Variants in ASB18 observed in about 807,000 individuals in gnomAD.
The protein encoded by ASB18 is ankyrin repeat and SOCS box containing 18.
A neutral mutation model predicts 33.4 loss-of-function variants in ASB18; 33 were observed. The ratio of observed to expected loss-of-function variants is 0.99; its 90% CI spans 0.75 to 1.32. The LOEUF (loss-of-function observed/expected upper bound fraction) is 1.32, where lower values mean the gene tolerates loss of function less well. Among genes scored for constraint, ASB18 ranks in the 40% most tolerant of loss-of-function variants. The pLI is 0.00. For synonymous variants in ASB18, 295 were observed against 307.6 expected, an observed-to-expected ratio of 0.96 and a Z score of 0.43; for missense variants, 694 against 655.5, an observed-to-expected ratio of 1.06 and a Z score of -0.64.
rs111975448 is a variant in ASB18, at chr2:236,217,424, A to ATAATAAT, written c.597-2559_597-2558insATTATTA. On this transcript the variant is annotated intron_variant, in intron 3 of 5. Coordinates refer to ENST00000409749, the MANE Select transcript of ASB18 (RefSeq NM_212556.4). This position sits in a 1 kb window ranked among gnomAD's most constrained non-coding sequence, Gnocchi z 5.2. Reference sequence around the variant, plus strand: ...CGAGACTCTGTCTCAAAAAAAAAAAAAAATAAATCTTGGCACCTTCAACTC... The same window carrying ATAATAAT: ...CGAGACTCTGTCTCAAAAAAAAAAAATAATAATAAATAAATCTTGGCACCTTCAACTC... 0.14 allele frequency among the ~76,000 whole-genome samples: 21,263 copies of ATAATAAT among 150,350 alleles called. 1,608 individuals are homozygous for ATAATAAT. Among genetic ancestry groups the ATAATAAT allele is most frequent in the Middle Eastern group, 0.21 (62 of 292 alleles).
rs2060475749 is a variant in ASB18, at chr2:236,214,507, G to A, written c.956C>T (p.Ala319Val). 7 of 1,477,514 alleles carry A rather than the reference G, an allele frequency of 4.7e-6. No individual in the cohort carries two copies. Among genetic ancestry groups the A allele is most frequent in the Non-Finnish European group, 5.3e-6 (6 of 1,125,188 alleles). 91.5% of individuals were successfully genotyped at this position (1,477,514 alleles called of 1,614,324 possible). A position where few individuals can be genotyped will look rare whatever the true frequency, so the allele number is the denominator to read the frequency against. The change falls in exon 4 of 6, where the codon GCG (alanine) becomes GTG (valine). Residue 319 changes from alanine to valine, a missense_variant. Physicochemically the swap from Ala to Val is moderately conservative, Grantham distance 64 (BLOSUM62 0). Coordinates refer to ENST00000409749, the MANE Select transcript of ASB18 (RefSeq NM_212556.4). This position sits in a 1 kb window ranked among gnomAD's most constrained non-coding sequence, Gnocchi z 6.5. The part of the protein sequence containing the change: ...ARLLLRHGAD[A>V]GALDYGGASP... ...GGCCCCGCCATAGTCGAGCGCGCCC[G>A]CGTCGGCGCCGTGCCGCAGTAGGAG...
In ASB18 at chr2:236,213,400, T is replaced by C. The variant is rs1442061952; in HGVS notation, c.1101+962A>G. 1.3e-5 allele frequency among the ~76,000 whole-genome samples: 2 copies of C among 152,220 alleles called. No individual in the cohort carries two copies. The highest frequency in any genetic ancestry group is 3.8e-4 in the East Asian group (2 of 5,200). ...TCAGACCACTGAGAACACTGTACTT[T>C]TGAATATTAGCTTTTCAGCTATTTG... On this transcript the variant is annotated intron_variant, in intron 4 of 5. Transcript: ENST00000409749. The surrounding 1 kb of genome is among the most constrained non-coding windows in gnomAD (Gnocchi z 4.8).
rs532343424 is a variant in ASB18, at chr2:236,260,136, T to C, written c.205+4005A>G. On this transcript the variant is annotated intron_variant, in intron 1 of 5. Transcript: ENST00000409749. The surrounding 1 kb of genome is among the most constrained non-coding windows in gnomAD (Gnocchi z 5.1). ...TTAACATGCAGAGCGAATGGTTACT[T>C]TTCTTTTTCTTATTTTTTCACATTG... Among the ~76,000 whole-genome samples, 2 of 152,180 alleles carry C rather than the reference T, an allele frequency of 1.3e-5. No homozygotes were observed. The highest frequency in any genetic ancestry group is 2.9e-5 in the Non-Finnish European group (2 of 68,034).
At chr2:236,230,309 A>G (rs942434154) in intron 3 of ASB18, among the ~76,000 whole-genome samples, 2 of 151,106 alleles carry the variant, frequency 1.3e-5, no homozygotes, top group African/African-American at 4.9e-5. Context: ...ACATACAAAT[A>G]CTGAAAGGAC....
chr2:236,204,457 C>G lies in ASB18; in HGVS notation c.1102-8072G>C, dbSNP rs2060423322. ...CATCCCTGCATTCAGGCCTGTTCCT[C>G]TTTTCCGTTTACTCTCACTTGCTGG... On this transcript the variant is annotated intron_variant, in intron 4 of 5. Coordinates refer to ENST00000409749, the MANE Select transcript of ASB18 (RefSeq NM_212556.4). This position sits in a 1 kb window ranked among gnomAD's most constrained non-coding sequence, Gnocchi z 5.1. 6.6e-6 allele frequency among the ~76,000 whole-genome samples: 1 copy of G among 152,212 alleles called. No individual in the cohort carries two copies. Among genetic ancestry groups the G allele is most frequent in the Non-Finnish European group, 1.5e-5 (1 of 68,036 alleles).
rs190012886 is a variant in ASB18 at position 236,227,472 on chromosome 2, C to G, written c.596+10217G>C. Among the ~76,000 whole-genome samples the G allele has an allele frequency of 4.7e-3, 715 of 152,254 alleles. 1 individual carries two copies. The highest frequency in any genetic ancestry group is 7.6e-3 in the Non-Finnish European group (518 of 68,020). On this transcript the variant is annotated intron_variant, in intron 3 of 5. Transcript: ENST00000409749. ...TAGTAATTCATTTAATTCTCATAAC[C>G]ATCCTATGTAGTAGGCTCAATTATC...
chr2:236,241,571 T>G lies in ASB18; in HGVS notation c.206-169A>C. The stretch of plus-strand genomic sequence containing the variant: ...TTCTTCAGGAACGGGAAAGATGGTC[T>G]TATGGAGTGTGAGCTATTTCTATTG... On this transcript the variant is annotated intron_variant, in intron 1 of 5. Transcript: ENST00000409749. The surrounding 1 kb of genome is among the most constrained non-coding windows in gnomAD (Gnocchi z 4.2). The G allele has an allele frequency of 5.2e-6, 4 of 768,622 alleles. No individual in the cohort carries two copies. The highest frequency in any genetic ancestry group is 1.7e-5 in the African/African-American group (1 of 58,278). 47.6% of individuals were successfully genotyped at this position (768,622 alleles called of 1,614,324 possible). A position where few individuals can be genotyped will look rare whatever the true frequency, so the allele number is the denominator to read the frequency against.
Position 236,214,418 on chromosome 2 carries a change from C to T in ASB18, c.1045G>A (p.Val349Met). ...CALQASPQRT[V>M]QALLNHGSPT... ...GAGCCGTGGTTGAGCAGCGCCTGCA[C>T]CGTGCGCTGCGGTGAGGCCTGGAGA... The change falls in exon 4 of 6, where the codon GTG becomes ATG. Residue 349 changes from valine (V) to methionine (M), a missense_variant. Transcript: ENST00000409749. The surrounding 1 kb of genome is among the most constrained non-coding windows in gnomAD (Gnocchi z 6.5). 1 of 1,566,368 alleles carries T rather than the reference C, an allele frequency of 6.4e-7. No homozygotes were observed. Among genetic ancestry groups the T allele is most frequent in the Non-Finnish European group, 8.6e-7 (1 of 1,162,616 alleles).
rs544300432 is a variant in ASB18, at chr2:236,194,165, G to A, written c.*707C>T. On this transcript the variant is annotated 3_prime_UTR_variant, in exon 6 of 6. Transcript: ENST00000409749. This position sits in a 1 kb window ranked among gnomAD's most constrained non-coding sequence, Gnocchi z 4.5. ...CCAAATGCATGACAATAAATGATGC[G>A]GTATGAGAGGGCCTAGCAAGCCTGC... Among the ~76,000 whole-genome samples, 60 of 152,252 alleles carry A rather than the reference G, an allele frequency of 3.9e-4. No homozygotes were observed. Among genetic ancestry groups the A allele is most frequent in the South Asian group, 3.7e-3 (18 of 4,816 alleles).
rs540610708 is a variant in ASB18 at position 236,242,401 on chromosome 2, G to T, written c.206-999C>A. On this transcript the variant is annotated intron_variant, in intron 1 of 5. Coordinates refer to ENST00000409749, the MANE Select transcript of ASB18 (RefSeq NM_212556.4). ...ACTCTCAGGGTGATAGGGCTGAAAG[G>T]GTCTGTCTGCTGTCACTAGTTGGCG... is the stretch of plus-strand genomic sequence containing the variant. 3.3e-5 allele frequency among the ~76,000 whole-genome samples: 5 copies of T among 152,096 alleles called. No individual in the cohort carries two copies. The East Asian group carries it at 5.8e-4, about 18-fold the overall frequency.
chr2:236,205,548 T>G lies in ASB18; in HGVS notation c.1101+8814A>C, dbSNP rs1464450462. Among the ~76,000 whole-genome samples the G allele has an allele frequency of 6.6e-6, 1 of 152,234 alleles. No homozygotes were observed. Among genetic ancestry groups the G allele is most frequent in the Non-Finnish European group, 1.5e-5 (1 of 68,044 alleles). On this transcript the variant is annotated intron_variant, in intron 4 of 5. Coordinates refer to ENST00000409749, the MANE Select transcript of ASB18 (RefSeq NM_212556.4). This position sits in a 1 kb window ranked among gnomAD's most constrained non-coding sequence, Gnocchi z 5.4. ...CATGCTCAATATTTAATGCCTGTCT[T>G]CCCCATTAGAATGTAAGCTCCACAT...
rs1396469149 is a variant in ASB18 at position 236,195,717 on chromosome 2, T to C, written c.1215+555A>G. Among the ~76,000 whole-genome samples, 1 of 152,130 alleles carries C rather than the reference T, an allele frequency of 6.6e-6. No homozygotes were observed. The highest frequency in any genetic ancestry group is 6.6e-5 in the Admixed American group (1 of 15,258). On this transcript the variant is annotated intron_variant, in intron 5 of 5. Coordinates refer to ENST00000409749, the MANE Select transcript of ASB18 (RefSeq NM_212556.4). The surrounding 1 kb of genome is among the most constrained non-coding windows in gnomAD (Gnocchi z 5.5). The stretch of plus-strand genomic sequence containing the variant: ...TTTCAGTAAAGACAAGCTTTCACCA[T>C]GTTGGCCAGTCTGGTCTTGAACTCC...
In ASB18 at chr2:236,217,621, T is replaced by C. The variant is rs531049186; in HGVS notation, c.597-2755A>G. Among the ~76,000 whole-genome samples the C allele has an allele frequency of 1.1e-4, 16 of 152,246 alleles. No homozygotes were observed. The highest frequency in any genetic ancestry group is 3.4e-4 in the African/African-American group (14 of 41,548). On this transcript the variant is annotated intron_variant, in intron 3 of 5. Transcript: ENST00000409749. This position sits in a 1 kb window ranked among gnomAD's most constrained non-coding sequence, Gnocchi z 5.2. The stretch of plus-strand genomic sequence containing the variant: ...GCTTTTCCTACTATATTAACCTAAC[T>C]GGGGCTCTGAACAAGATCATCCATT...
At chr2:236,210,217 T>C (rs1015638990) in intron 4 of ASB18, among the ~76,000 whole-genome samples, 1 of 152,194 alleles carries the variant, frequency 6.6e-6, no homozygotes, top group African/African-American at 2.4e-5. Context: ...AAAATGTTTG[T>C]TGAATGAATA....
rs2060469552 is a variant in ASB18 at position 236,213,810 on chromosome 2, C to T, written c.1101+552G>A. On this transcript the variant is annotated intron_variant, in intron 4 of 5. Transcript: ENST00000409749. The surrounding 1 kb of genome is among the most constrained non-coding windows in gnomAD (Gnocchi z 4.8). Reference sequence around the variant, plus strand: ...AACCCCAGGTAGAGGGAGAATATCACCTGCCTCTCGTGTTTCACTGCAATG... The same window carrying T: ...AACCCCAGGTAGAGGGAGAATATCATCTGCCTCTCGTGTTTCACTGCAATG... The T allele has an allele frequency of 6.5e-6, 1 of 154,708 alleles. No individual in the cohort carries two copies. Among genetic ancestry groups the T allele is most frequent in the Non-Finnish European group, 1.4e-5 (1 of 69,564 alleles). The allele number at this position is 154,708 out of a possible 1,614,324, so 9.6% of individuals were successfully genotyped here.
In ASB18 at chr2:236,209,546, G is replaced by A. The variant is rs1405337593; in HGVS notation, c.1101+4816C>T. 6.6e-6 allele frequency among the ~76,000 whole-genome samples: 1 copy of A among 152,180 alleles called. No individual in the cohort carries two copies. The highest frequency in any genetic ancestry group is 1.5e-5 in the Non-Finnish European group (1 of 68,030). On this transcript the variant is annotated intron_variant, in intron 4 of 5. Transcript: ENST00000409749. The surrounding 1 kb of genome is among the most constrained non-coding windows in gnomAD (Gnocchi z 4.4). ...CCCAGAGTGCTAGGATTATAGGCGTGAGCTATTGCCTCTGGCCTAGAATCT... is the reference window on the plus strand; with the variant it reads ...CCCAGAGTGCTAGGATTATAGGCGTAAGCTATTGCCTCTGGCCTAGAATCT...
intron 1 of ASB18, among the ~76,000 whole-genome samples, chr2:236,254,334 T>A (rs912793364): frequency 1.3e-5 from 2 of 151,772 alleles, no homozygotes; most frequent in Admixed American, 6.6e-5. Flanking sequence ...ACCCCTTCAC[T>A]CCCATGGAAT....
At chr2:236,197,566 T>C (rs1247705471) in intron 4 of ASB18, among the ~76,000 whole-genome samples, 1 of 151,994 alleles carries the variant, frequency 6.6e-6, no homozygotes, top group Non-Finnish European at 1.5e-5. Context: ...CCAGGCGCAG[T>C]GGCTCAGCAC....
At position 236,253,071 on chromosome 2, in the gene ASB18, G is replaced by C. The variant is rs374936576; in HGVS notation, c.205+11070C>G. Reference sequence around the variant, plus strand: ...GGCGTCAAGGATCCCCACCGTCCTCGCCAGCCTGGCTTTCTAGATGTTGAT... The same window carrying C: ...GGCGTCAAGGATCCCCACCGTCCTCCCCAGCCTGGCTTTCTAGATGTTGAT... On this transcript the variant is annotated intron_variant, in intron 1 of 5. Transcript: ENST00000409749. The surrounding 1 kb of genome is among the most constrained non-coding windows in gnomAD (Gnocchi z 5.4). Among the ~76,000 whole-genome samples, 1 of 152,154 alleles carries C rather than the reference G, an allele frequency of 6.6e-6. No homozygotes were observed. The highest frequency in any genetic ancestry group is 1.5e-5 in the Non-Finnish European group (1 of 68,032).
Sources: gnomAD v4.1 joint callset for allele counts (sites outside exome capture counted in the v4.1 genomes callset) on GRCh38, gnomAD v4.1.1 for gene constraint, Gnocchi (gnomAD v3.1) non-coding constraint, MANE v1.5 for transcripts, NCBI Gene and HGNC (gene_info 2026-07-23, HGNC 2026-07-21) for gene names.